CDIN1: variants seen among roughly 807,000 people sequenced by gnomAD.
CDIN1 encodes CDAN1-interacting nuclease 1.
Under a neutral mutation model 45.3 loss-of-function variants are expected in CDIN1, and 33 were observed. The observed-to-expected ratio is 0.73, with a 90% CI of 0.55 to 0.97. The LOEUF (loss-of-function observed/expected upper bound fraction) is 0.97. Among genes scored for constraint, CDIN1 ranks in the 50% least tolerant of loss-of-function variants. CDIN1 has a pLI of 0.00. For missense variants in CDIN1, 303 were observed against 339.4 expected (o/e 0.89, Z 0.84); for synonymous variants, 118 against 124.4 (o/e 0.95, Z 0.34).
At chr15:36,732,833 A>G (rs2043880920) in intron 10 of CDIN1, among the ~76,000 whole-genome samples, 2 of 152,078 alleles carry the variant, frequency 1.3e-5, no homozygotes, top group African/African-American at 2.4e-5. Flanking sequence ...TAAGTTTTTA[A>G]GTCATAAGAT....
chr15:36,744,446 G>A (rs77112344), intron 10 of CDIN1, among the ~76,000 whole-genome samples: 1,703 of 152,212 alleles, frequency 0.011, 20 homozygotes, highest in Non-Finnish European at 0.017. Flanking sequence ...TGAGAGCAAG[G>A]GTAATATGTT....
chr15:36,740,773 C>T (rs554501056), intron 10 of CDIN1, among the ~76,000 whole-genome samples: 10 of 151,892 alleles, frequency 6.6e-5, no homozygotes, highest in South Asian at 2.1e-4. Context: ...CCTGTAATCC[C>T]GGTTATTCTG....
In CDIN1 at chr15:36,701,891, C is replaced by T. The variant is rs996616198; in HGVS notation, c.544+4501C>T. On this transcript the variant is annotated intron_variant, in intron 8 of 10. Coordinates refer to ENST00000566621, the MANE Select transcript of CDIN1 (RefSeq NM_001321759.2). ...AGGCTTAGTGAAGGATGTCCCTTGT[C>T]GTAAGAAATTAGGATCTTTGTTTCT... 47 of 584,938 alleles carry T rather than the reference C, an allele frequency of 8.0e-5. 1 individual carries two copies. Among genetic ancestry groups the T allele is most frequent in the South Asian group, 3.1e-4 (14 of 44,892 alleles). 36.2% of individuals were successfully genotyped at this position (584,938 alleles called of 1,614,324 possible).
intron 10 of CDIN1, among the ~76,000 whole-genome samples, chr15:36,750,549 A>G (rs1030478971): frequency 1.3e-5 from 2 of 152,128 alleles, no homozygotes; most frequent in Admixed American, 1.3e-4. Context: ...ACAGTCTCTG[A>G]TGTGTGGGAT....
intron 7 of CDIN1, among the ~76,000 whole-genome samples, chr15:36,695,924 A>G (rs2042407731): frequency 6.6e-6 from 1 of 152,086 alleles, no homozygotes; most frequent in African/African-American, 2.4e-5. Context: ...AGTATTTAGT[A>G]CAAAGTCTTC....
chr15:36,682,780 A>G (rs564800098), intron 5 of CDIN1, among the ~76,000 whole-genome samples: 6 of 148,926 alleles, frequency 4.0e-5, no homozygotes, highest in South Asian at 2.1e-4. Flanking sequence ...AAAAAAAAAA[A>G]AAAAAAGAAA....
At chr15:36,738,944 A>T (rs1450670323) in intron 10 of CDIN1, among the ~76,000 whole-genome samples, 2 of 152,276 alleles carry the variant, frequency 1.3e-5, no homozygotes, top group Non-Finnish European at 2.9e-5. Context: ...ATGTATTTTT[A>T]AAATGTAAAT....
chr15:36,612,879 C>T (rs921931974), intron 1 of CDIN1, among the ~76,000 whole-genome samples: 15 of 152,138 alleles, frequency 9.9e-5, no homozygotes, highest in Non-Finnish European at 1.8e-4. Context: ...CCTAAGAAAA[C>T]GTTTCCATCA....
chr15:36,797,210 T>C (rs2054829701), intron 10 of CDIN1, among the ~76,000 whole-genome samples: 1 of 152,242 alleles, frequency 6.6e-6, no homozygotes, highest in Non-Finnish European at 1.5e-5. Context: ...TTTAATAGTT[T>C]GCTATCTCTT....
rs778008623 is a variant in CDIN1, at chr15:36,579,964, A to G, written c.101+3A>G. 1 of 1,611,834 alleles carries G rather than the reference A, an allele frequency of 6.2e-7. No homozygotes were observed. The highest frequency in any genetic ancestry group is 1.7e-5 in the Admixed American group (1 of 59,818). ...AAGCTGAAGCAGAGGTTTCCCAGGTAAGTGTCCATCTCTCCCCTCTCACAG... is the reference window on the plus strand; with the variant it reads ...AAGCTGAAGCAGAGGTTTCCCAGGTGAGTGTCCATCTCTCCCCTCTCACAG... On this transcript the variant is annotated splice_donor_region_variant and intron_variant, in intron 1 of 10. Transcript: ENST00000566621.
chr15:36,768,490 C>T (rs1048407001), intron 10 of CDIN1, among the ~76,000 whole-genome samples: 1 of 152,164 alleles, frequency 6.6e-6, no homozygotes, highest in Non-Finnish European at 1.5e-5. Flanking sequence ...CTCCCTGTTC[C>T]CAAAGGTAGC....
intron 10 of CDIN1, among the ~76,000 whole-genome samples, chr15:36,722,632 C>T (rs186094486): frequency 2.6e-5 from 4 of 152,204 alleles, no homozygotes; most frequent in Admixed American, 2.0e-4. Context: ...AGCATATGTT[C>T]CCATTTCCAA....
intron 10 of CDIN1, among the ~76,000 whole-genome samples, chr15:36,784,161 T>G (rs2054427979): frequency 6.6e-6 from 1 of 152,322 alleles, no homozygotes; most frequent in Non-Finnish European, 1.5e-5. Flanking sequence ...TTAAATTGTC[T>G]CAATCCTATG....
chr15:36,752,006 A>G (rs978365880), intron 10 of CDIN1, among the ~76,000 whole-genome samples: 9 of 152,116 alleles, frequency 5.9e-5, no homozygotes, highest in Admixed American at 5.9e-4. Context: ...TTGGGGGTGC[A>G]GGGGAGGGAG....
At chr15:36,696,404 G>A (rs2042426809) in intron 7 of CDIN1, 1 of 152,204 alleles carries the variant, frequency 6.6e-6, no homozygotes, top group African/African-American at 2.4e-5. Flanking sequence ...TCGACTGGAA[G>A]TGAAACAAAG....
intron 5 of CDIN1, among the ~76,000 whole-genome samples, chr15:36,684,789 C>G (rs2041981049): frequency 6.6e-6 from 1 of 151,518 alleles, no homozygotes; most frequent in African/African-American, 2.4e-5. Context: ...GATTCAACTT[C>G]TTCCTGGTTT....
intron 1 of CDIN1, chr15:36,617,240 G>T: frequency 1.1e-6 from 1 of 891,210 alleles, no homozygotes. Context: ...GCCACATCGG[G>T]TGCTCATCCT....
At chr15:36,615,364 T>C (rs2038843726) in intron 1 of CDIN1, among the ~76,000 whole-genome samples, 1 of 152,172 alleles carries the variant, frequency 6.6e-6, no homozygotes, top group Non-Finnish European at 1.5e-5. Context: ...GTACTCTCCT[T>C]TGATGTGGTC....
At chr15:36,722,051 T>A (rs576794321) in intron 10 of CDIN1, among the ~76,000 whole-genome samples, 2 of 152,152 alleles carry the variant, frequency 1.3e-5, no homozygotes, top group African/African-American at 4.8e-5. Context: ...AAAACTGTTA[T>A]GTCATCTATT....
Sources: gnomAD v4.1 joint callset for allele counts (sites outside exome capture counted in the v4.1 genomes callset) on GRCh38, gnomAD v4.1.1 for gene constraint, MANE v1.5 for transcripts, NCBI Gene and HGNC (gene_info 2026-07-23, HGNC 2026-07-21) for gene names.